Variants in EHF observed in about 807,000 individuals in gnomAD.
The protein encoded by EHF is ETS homologous factor.
A neutral mutation model predicts 45.1 loss-of-function variants in EHF; 14 were observed. The observed-to-expected ratio is 0.31, with a 90% CI of 0.21 to 0.49. The LOEUF (loss-of-function observed/expected upper bound fraction) is 0.49. Ranked by LOEUF, EHF falls within the 20% of genes least tolerant of loss-of-function variation. EHF has a pLI of 0.99. For synonymous variants in EHF, 136 were observed against 131.8 expected (o/e 1.03, Z -0.22); for missense variants, 282 against 371.4 (o/e 0.76, Z 1.98).
intron 1 of EHF, among the ~76,000 whole-genome samples, chr11:34,641,318 T>C (rs1853972882): frequency 6.6e-6 from 1 of 152,304 alleles, no homozygotes; most frequent in East Asian, 1.9e-4. Context: ...GCACCTAGAA[T>C]AGTGCCCAGC....
chr11:34,631,862 G>C (rs540699839), intron 1 of EHF, among the ~76,000 whole-genome samples: 7 of 152,152 alleles, frequency 4.6e-5, no homozygotes, highest in African/African-American at 1.4e-4. Context: ...TTTTGGTTTC[G>C]ATCGTATCCC....
chr11:34,630,444 T>G (rs1191093687), intron 1 of EHF, among the ~76,000 whole-genome samples: 4 of 152,242 alleles, frequency 2.6e-5, no homozygotes, highest in Non-Finnish European at 5.9e-5. Flanking sequence ...TCAACAAATA[T>G]GAACTATTAT....
chr11:34,627,316 G>A lies in EHF; in HGVS notation c.-4+6088G>A, dbSNP rs972941121. 3.9e-5 allele frequency among the ~76,000 whole-genome samples: 6 copies of A among 152,218 alleles called. No homozygotes were observed. The South Asian group carries it at 1.0e-3, about 26-fold the overall frequency. On this transcript the variant is annotated intron_variant, in intron 1 of 8. Coordinates refer to ENST00000257831, the MANE Select transcript of EHF (RefSeq NM_012153.6). ...ACCAAGGAGGTCCTGGGAGACCTGG[G>A]GTGACTTGGGGTGATTGGGTATGCA...
At chr11:34,646,786 T>A in intron 3 of EHF, 102 bp downstream of exon 3, 1 of 1,439,518 alleles carries the variant, frequency 6.9e-7, no homozygotes, top group Non-Finnish European at 9.5e-7. Flanking sequence ...CAAGAAAGAG[T>A]GGTCTCACCT....
chr11:34,625,579 G>A (rs1307055375), intron 1 of EHF, among the ~76,000 whole-genome samples: 1 of 152,178 alleles, frequency 6.6e-6, no homozygotes, highest in Non-Finnish European at 1.5e-5. Flanking sequence ...AGACCCTGAT[G>A]TGCCCAGAAA....
chr11:34,654,646 A>G (rs1346992775), intron 6 of EHF, among the ~76,000 whole-genome samples: 1 of 152,096 alleles, frequency 6.6e-6, no homozygotes, highest in Non-Finnish European at 1.5e-5. Flanking sequence ...TCTAGTGTAG[A>G]GGTTTTAGAG....
intron 1 of EHF, among the ~76,000 whole-genome samples, chr11:34,628,815 G>A (rs1030964210): frequency 1.3e-5 from 2 of 152,210 alleles, no homozygotes; most frequent in Non-Finnish European, 2.9e-5. Context: ...AGTGGGGACT[G>A]ACCCTTTGGA....
intron 1 of EHF, among the ~76,000 whole-genome samples, chr11:34,630,143 A>G (rs1852744266): frequency 6.6e-6 from 1 of 152,204 alleles, no homozygotes; most frequent in Non-Finnish European, 1.5e-5. Context: ...AAGGATCTCA[A>G]CTTTGAAATT....
At chr11:34,642,592 G>A (rs960871088) in intron 1 of EHF, 36 bp from the exon 2 acceptor site, 3 of 1,277,084 alleles carry the variant, frequency 2.3e-6, no homozygotes, top group African/African-American at 1.5e-5. Flanking sequence ...TTGTCCAAGA[G>A]GCACTGACTG....
At position 34,643,066 on chromosome 11, in the gene EHF, GTA is replaced by G. The variant is rs1491348019; in HGVS notation, c.97+341_97+342del. 6.2e-3 allele frequency among the ~76,000 whole-genome samples: 603 copies of G among 98,024 alleles called. 4 individuals are homozygous for G. The highest frequency in any genetic ancestry group is 0.011 in the Admixed American group (105 of 9,366). 64.3% of individuals were successfully genotyped at this position (98,024 alleles called of 152,430 possible). A position where few individuals can be genotyped will look rare whatever the true frequency, so the allele number is the denominator to read the frequency against. ...ATCAAGATAGGCTAGGAGAGAAAGG[GTA>G]TGTGTGTGTGTGTGTGTGTGTGTGT... On this transcript the variant is annotated intron_variant, in intron 2 of 8. Transcript: ENST00000257831.
intron 1 of EHF, chr11:34,642,403 G>A: frequency 2.2e-6 from 1 of 448,448 alleles, no homozygotes; most frequent in Non-Finnish European, 4.1e-6. Context: ...ATTTATGAAT[G>A]GGTGGCTGTA....
chr11:34,644,717 G>A (rs905902988), intron 2 of EHF, among the ~76,000 whole-genome samples: 4 of 152,202 alleles, frequency 2.6e-5, no homozygotes, highest in East Asian at 3.9e-4. Context: ...AGGGTGTTGT[G>A]GGCTGGACCA....
intron 1 of EHF, among the ~76,000 whole-genome samples, chr11:34,636,885 C>T (rs762294474): frequency 1.3e-4 from 20 of 151,998 alleles, no homozygotes; most frequent in East Asian, 5.8e-4. Flanking sequence ...CAAAATTAGC[C>T]GGGCGTGGTG....
chr11:34,661,420 C>G lies in EHF; in HGVS notation c.*2489C>G, dbSNP rs954265660. On this transcript the variant is annotated 3_prime_UTR_variant, in exon 9 of 9. Coordinates refer to ENST00000257831, the MANE Select transcript of EHF (RefSeq NM_012153.6). ...AATTGGCTTTGGCTCTTTCTGCAAC[C>G]TTTCCATTCAAGAGCAATCTTTGCT... Among the ~76,000 whole-genome samples the G allele has an allele frequency of 3.3e-5, 5 of 152,136 alleles. No individual in the cohort carries two copies. The highest frequency in any genetic ancestry group is 9.7e-5 in the African/African-American group (4 of 41,446).
intron 3 of EHF, among the ~76,000 whole-genome samples, chr11:34,647,724 G>T (rs560272104): frequency 6.6e-6 from 1 of 152,322 alleles, no homozygotes; most frequent in South Asian, 2.1e-4. Flanking sequence ...AGGACCTGGG[G>T]CCTTGCAGCA....
rs71041935 is a variant in EHF at position 34,646,027 on chromosome 11, G to GGTGT, written c.98-375_98-372dup. Among the ~76,000 whole-genome samples the GGTGT allele has an allele frequency of 7.4e-3, 1,061 of 144,314 alleles. 12 individuals carry two copies. The highest frequency in any genetic ancestry group is 0.023 in the East Asian group (111 of 4,862). 94.7% of individuals were successfully genotyped at this position (144,314 alleles called of 152,430 possible). A position where few individuals can be genotyped will look rare whatever the true frequency, so the allele number is the denominator to read the frequency against. ...TAGTTGAAAATGGTCTGAGTTTGGT[G>GGTGT]GTGTGTGTGTGTGTGTGTGTGTGTG... is the stretch of plus-strand genomic sequence containing the variant. On this transcript the variant is annotated intron_variant, in intron 2 of 8. Transcript: ENST00000257831.
At chr11:34,624,189 A>C (rs1205885654) in intron 1 of EHF, 1 of 750,354 alleles carries the variant, frequency 1.3e-6, no homozygotes, top group African/African-American at 1.9e-5. Context: ...CGTGACACTC[A>C]TTTCTGTTGT....
At position 34,649,090 on chromosome 11, in the gene EHF, T is replaced by C. The variant is rs772866372; in HGVS notation, c.406+9T>C. 5 of 1,613,538 alleles carry C rather than the reference T, an allele frequency of 3.1e-6. No individual in the cohort carries two copies. Among genetic ancestry groups the C allele is most frequent in the Middle Eastern group, 1.7e-4 (1 of 5,958 alleles). On this transcript the variant is annotated intron_variant, in intron 4 of 8. Transcript: ENST00000257831. ...CAAGACTGAACAAACTGGTGAGTAG[T>C]AGTGGACAAAGGGAGCCAACCTAGC...
chr11:34,658,221 C>G (rs1045879530), intron 7 of EHF, among the ~76,000 whole-genome samples: 3 of 152,088 alleles, frequency 2.0e-5, no homozygotes, highest in African/African-American at 7.2e-5. Flanking sequence ...AGAAACTTCC[C>G]CCTGGCTTAG....
Sources: gnomAD v4.1 joint callset for allele counts (sites outside exome capture counted in the v4.1 genomes callset) on GRCh38, gnomAD v4.1.1 for gene constraint, MANE v1.5 for transcripts, NCBI Gene and HGNC (gene_info 2026-07-23, HGNC 2026-07-21) for gene names.